PRKCI: variants seen among roughly 807,000 people sequenced by gnomAD.
PRKCI encodes protein kinase C iota type.
Under a neutral mutation model 84.0 loss-of-function variants are expected in PRKCI, and 43 were observed. That is an observed-to-expected ratio of 0.51 (90% CI 0.40 to 0.66). PRKCI has a LOEUF of 0.66. Ranked by LOEUF, PRKCI falls within the 30% of genes least tolerant of loss-of-function variation. The pLI, the probability that PRKCI is intolerant of heterozygous loss-of-function variation, is 0.00. For synonymous variants in PRKCI, 216 were observed against 234.4 expected, an observed-to-expected ratio of 0.92 and a Z score of 0.72; for missense variants, 459 against 745.6, an observed-to-expected ratio of 0.62 and a Z score of 4.48.
At chr3:170,248,026 A>G (rs1577348586) in intron 2 of PRKCI, among the ~76,000 whole-genome samples, 3 of 152,182 alleles carry the variant, frequency 2.0e-5, no homozygotes, top group African/African-American at 7.2e-5. Flanking sequence ...GCAGGATGGC[A>G]GTACGAAGGT....
intron 2 of PRKCI, among the ~76,000 whole-genome samples, chr3:170,238,783 G>A (rs1174126447): frequency 4.0e-5 from 6 of 151,882 alleles, no homozygotes; most frequent in Non-Finnish European, 7.4e-5. Context: ...GTAGAGACGG[G>A]GTTTCACCAT....
Position 170,270,522 on chromosome 3 carries a change from A to T in PRKCI, c.552A>T (p.Lys184Asn). 1 of 1,612,990 alleles carries T rather than the reference A, an allele frequency of 6.2e-7. No homozygotes were observed. Among genetic ancestry groups the T allele is most frequent in the Non-Finnish European group, 8.5e-7 (1 of 1,179,772 alleles). The stretch of plus-strand genomic sequence containing the variant: ...TCTTGGTTCATAAGAAGTGCCATAA[A>T]CTCGTCACAATTGAATGTGGGCGGC... ...CKLLVHKKCH[K>N]LVTIECGRHS... The change falls in exon 6 of 18, where the codon AAA (lysine) becomes AAT (asparagine). Residue 184 changes from lysine to asparagine, a missense_variant. Transcript: ENST00000295797.
At chr3:170,263,895 A>G (rs557331551) in intron 4 of PRKCI, among the ~76,000 whole-genome samples, 6 of 152,336 alleles carry the variant, frequency 3.9e-5, no homozygotes, top group South Asian at 2.1e-4. Flanking sequence ...CCCAAATGCT[A>G]CTTTGCCAGA....
chr3:170,258,361 A>G (rs1256895486), intron 2 of PRKCI, among the ~76,000 whole-genome samples: 2 of 151,634 alleles, frequency 1.3e-5, no homozygotes, highest in Admixed American at 6.6e-5. Context: ...GGTGGAGTTC[A>G]GTAGCACAAT....
At chr3:170,230,247 C>A (rs1732750506) in intron 1 of PRKCI, among the ~76,000 whole-genome samples, 1 of 150,916 alleles carries the variant, frequency 6.6e-6, no homozygotes, top group African/African-American at 2.4e-5. Context: ...CTTACTGCAA[C>A]CTTTGCCTCC....
At chr3:170,245,607 C>T (rs1228173538) in intron 2 of PRKCI, among the ~76,000 whole-genome samples, 1 of 152,136 alleles carries the variant, frequency 6.6e-6, no homozygotes, top group Non-Finnish European at 1.5e-5. Context: ...CTTCCTCTCC[C>T]TCATAGACCA....
At chr3:170,264,311 G>C (rs1733806604) in intron 4 of PRKCI, among the ~76,000 whole-genome samples, 1 of 151,210 alleles carries the variant, frequency 6.6e-6, no homozygotes, top group African/African-American at 2.4e-5. Flanking sequence ...ACAGAATCTC[G>C]CTTTCTCACC....
At chr3:170,270,848 C>T (rs1009247010) in intron 6 of PRKCI, among the ~76,000 whole-genome samples, 1 of 151,988 alleles carries the variant, frequency 6.6e-6, no homozygotes, top group Non-Finnish European at 1.5e-5. Flanking sequence ...AGAGTTTTTT[C>T]CCCCTCTCCT....
Position 170,222,496 on chromosome 3 carries a change from G to T in PRKCI, c.-174G>T. 1 of 509,750 alleles carries T rather than the reference G, an allele frequency of 2.0e-6. No individual in the cohort carries two copies. Among genetic ancestry groups the T allele is most frequent in the Non-Finnish European group, 3.3e-6 (1 of 304,608 alleles). 31.6% of individuals were successfully genotyped at this position (509,750 alleles called of 1,614,324 possible). On this transcript the variant is annotated 5_prime_UTR_variant, in exon 1 of 18. Transcript: ENST00000295797. ...CTACGGGCAGTGGGAGGAGCCGCGC[G>T]GTTCCGGCTGCTCCGGCGAGGCGAC... is the stretch of plus-strand genomic sequence containing the variant.
intron 3 of PRKCI, among the ~76,000 whole-genome samples, chr3:170,262,899 G>A (rs1169326739): frequency 2.7e-5 from 4 of 149,728 alleles, no homozygotes; most frequent in African/African-American, 9.8e-5. Flanking sequence ...GGCCGGGCGC[G>A]GTGACTCACG....
chr3:170,280,730 G>A (rs1258020561), intron 9 of PRKCI, among the ~76,000 whole-genome samples: 1 of 152,108 alleles, frequency 6.6e-6, no homozygotes, highest in Non-Finnish European at 1.5e-5. Flanking sequence ...GAATATAGGC[G>A]TGAGCCACCG....
At chr3:170,262,768 C>T (rs1412196173) in intron 3 of PRKCI, among the ~76,000 whole-genome samples, 1 of 151,876 alleles carries the variant, frequency 6.6e-6, no homozygotes, top group Non-Finnish European at 1.5e-5. Context: ...CGTAAGCCAA[C>T]GTGCCCAGCC....
intron 12 of PRKCI, among the ~76,000 whole-genome samples, chr3:170,288,809 C>T (rs116081160): frequency 2.5e-3 from 378 of 152,144 alleles, no homozygotes; most frequent in Middle Eastern, 0.017. Context: ...AGAAATTAAC[C>T]CTCCAAAAGT....
chr3:170,258,811 T>G (rs1733651480), intron 2 of PRKCI, among the ~76,000 whole-genome samples: 1 of 152,246 alleles, frequency 6.6e-6, no homozygotes, highest in African/African-American at 2.4e-5. Flanking sequence ...CTGTGACTCC[T>G]TTGAGGAGGC....
chr3:170,239,964 A>C (rs1487979461), intron 2 of PRKCI, among the ~76,000 whole-genome samples: 1 of 152,130 alleles, frequency 6.6e-6, no homozygotes, highest in Non-Finnish European at 1.5e-5. Context: ...TCTGGGCAAC[A>C]TAGTGAGATA....
chr3:170,260,339 T>C (rs1453952166), intron 3 of PRKCI, among the ~76,000 whole-genome samples: 3 of 152,206 alleles, frequency 2.0e-5, no homozygotes, highest in African/African-American at 4.8e-5. Flanking sequence ...AACTTAAAAA[T>C]TGAGAGCCTG....
chr3:170,293,564 A>G, intron 14 of PRKCI, 56 bp downstream of exon 14: 1 of 1,551,176 alleles, frequency 6.4e-7, no homozygotes, highest in Non-Finnish European at 8.8e-7. Context: ...TAGAGTACAA[A>G]TGAGAGTGAT....
intron 1 of PRKCI, among the ~76,000 whole-genome samples, chr3:170,228,678 TC>T (rs1383304562): frequency 6.6e-6 from 1 of 151,926 alleles, no homozygotes; most frequent in African/African-American, 2.4e-5. Context: ...CCCTGTAGTC[TC>T]TCACTCCCAC....
At position 170,270,484 on chromosome 3, in the gene PRKCI, A is replaced by C; in HGVS notation, c.514A>C (p.Ile172Leu). 1 of 1,613,958 alleles carries C rather than the reference A, an allele frequency of 6.2e-7. No individual in the cohort carries two copies. ...WGLGRQGYKC[I>L]NCKLLVHKKC... ...ACTTGGACGCCAAGGATATAAGTGC[A>C]TCAACTGCAAACTCTTGGTTCATAA... is the stretch of plus-strand genomic sequence containing the variant. Residue 172 changes from isoleucine to leucine, a missense_variant, in exon 6 of 18, where the codon ATC becomes CTC. Physicochemically the swap from Ile to Leu is conservative, Grantham distance 5. Coordinates refer to ENST00000295797, the MANE Select transcript of PRKCI (RefSeq NM_002740.6).
Sources: allele counts gnomAD v4.1 joint callset (sites outside exome capture counted in the v4.1 genomes callset), GRCh38; gene constraint gnomAD v4.1.1; transcripts MANE v1.5; gene names NCBI Gene and HGNC (gene_info 2026-07-23, HGNC 2026-07-21).